Variants in GAS6 observed in about 807,000 individuals in gnomAD.
GAS6 encodes the protein growth arrest-specific protein 6.
In GAS6, 41 loss-of-function variants were observed where a neutral mutation model predicts 75.8. The ratio of observed to expected loss-of-function variants is 0.54; its 90% CI spans 0.42 to 0.70. GAS6 has a LOEUF of 0.70. Ranked by LOEUF, GAS6 falls within the 30% of genes least tolerant of loss-of-function variation. The pLI, the probability that GAS6 is intolerant of heterozygous loss-of-function variation, is 0.00. For missense variants in GAS6, 854 were observed against 940.2 expected (o/e 0.91, Z 1.20); for synonymous variants, 432 against 412.6 (o/e 1.05, Z -0.57).
At chr13:113,826,429 C>T (rs186135186) in intron 12 of GAS6, among the ~76,000 whole-genome samples, 2,309 of 132,360 alleles carry the variant, frequency 0.017, 114 homozygotes, top group African/African-American at 0.049. Context: ...GCGCTGGCCT[C>T]GCAGGCACCT....
intron 2 of GAS6, among the ~76,000 whole-genome samples, chr13:113,849,510 G>A (rs1024550245): frequency 7.9e-5 from 12 of 152,160 alleles, no homozygotes; most frequent in Admixed American, 5.2e-4. Flanking sequence ...TAAAAGACTT[G>A]CGAGGGATGC....
At chr13:113,832,170 G>C in intron 10 of GAS6, 129 bp downstream of exon 10, 1 of 1,096,488 alleles carries the variant, frequency 9.1e-7, no homozygotes, top group East Asian at 2.6e-5. Flanking sequence ...AGGGGTCCCC[G>C]TCCTGCCGGC....
intron 2 of GAS6, among the ~76,000 whole-genome samples, chr13:113,858,660 T>G (rs201709549): frequency 1.1e-5 from 1 of 90,656 alleles, no homozygotes; most frequent in Non-Finnish European, 2.3e-5. Context: ...TATGTGTACA[T>G]GTCTGTGTGT....
chr13:113,846,423 C>G (rs993752599), intron 4 of GAS6, 104 bp downstream of exon 4: 21 of 924,706 alleles, frequency 2.3e-5, no homozygotes, highest in African/African-American at 2.2e-4. Flanking sequence ...GACCACAGCT[C>G]CTTAAAAAAC....
chr13:113,857,785 T>C (rs376730496), intron 2 of GAS6, among the ~76,000 whole-genome samples: 1 of 152,234 alleles, frequency 6.6e-6, no homozygotes, highest in Non-Finnish European at 1.5e-5. Flanking sequence ...TTTCCACAGA[T>C]GTGAAGCTCT....
intron 2 of GAS6, among the ~76,000 whole-genome samples, chr13:113,859,028 T>C (rs2051944875): frequency 2.0e-5 from 3 of 151,308 alleles, no homozygotes; most frequent in Admixed American, 2.0e-4. Flanking sequence ...GTGTGCCTTG[T>C]ATGTGCATGT....
chr13:113,846,546 G>A lies in GAS6; in HGVS notation c.324C>T (p.Gly108=). ...KYGSPYTKNS[G]FATCVQNLPD... ...ACTTACTTTGCACGCAGGTGGCGAA[G>A]CCTGAGTTTTTGGTGTACGGAGACC... Residue 108 remains glycine (G), a synonymous_variant, in exon 4 of 15, where the codon GGC becomes GGT. Coordinates refer to ENST00000327773, the MANE Select transcript of GAS6 (RefSeq NM_000820.4). The A allele has an allele frequency of 6.2e-7, 1 of 1,614,072 alleles. No individual in the cohort carries two copies. Among genetic ancestry groups the A allele is most frequent in the Non-Finnish European group, 8.5e-7 (1 of 1,180,008 alleles).
At chr13:113,861,533 G>A (rs1476273645) in intron 2 of GAS6, among the ~76,000 whole-genome samples, 2 of 152,226 alleles carry the variant, frequency 1.3e-5, no homozygotes, top group South Asian at 2.1e-4. Context: ...ACAGGGAGAA[G>A]TTCATGGATG....
At chr13:113,823,160 G>A in intron 13 of GAS6, 1 of 494,468 alleles carries the variant, frequency 2.0e-6, no homozygotes, top group Non-Finnish European at 3.5e-6. Flanking sequence ...GCAGGCGCCG[G>A]CCCCCTCAGC....
chr13:113,832,874 G>A (rs754370140), intron 8 of GAS6, 122 bp from the exon 9 acceptor site: 48 of 1,558,530 alleles, frequency 3.1e-5, no homozygotes, highest in East Asian at 7.0e-5. Flanking sequence ...TGGCCACCCC[G>A]CCTCTAGCTG....
intron 8 of GAS6, among the ~76,000 whole-genome samples, chr13:113,834,318 C>T (rs1350042931): frequency 1.3e-5 from 2 of 152,228 alleles, no homozygotes; most frequent in East Asian, 1.9e-4. Context: ...CACTGGGGTC[C>T]ACACCAGGCT....
chr13:113,834,686 G>A lies in GAS6; in HGVS notation c.713-14C>T. 4 of 1,534,274 alleles carry A rather than the reference G, an allele frequency of 2.6e-6. No individual in the cohort carries two copies. The highest frequency in any genetic ancestry group is 1.4e-5 in the African/African-American group (1 of 72,644). Reference sequence around the variant, plus strand: ...ACTCGTCCACATCTGCCAGCCAGAGGGAAGCGGCGGTGAGCCGGGGAGGCC... The same window carrying A: ...ACTCGTCCACATCTGCCAGCCAGAGAGAAGCGGCGGTGAGCCGGGGAGGCC... On this transcript the variant is annotated splice_polypyrimidine_tract_variant and intron_variant, in intron 7 of 14. Coordinates refer to ENST00000327773, the MANE Select transcript of GAS6 (RefSeq NM_000820.4).
intron 12 of GAS6, 21 bp downstream of exon 12, chr13:113,826,975 A>G (rs759508383): frequency 2.5e-6 from 4 of 1,594,550 alleles, no homozygotes; most frequent in Admixed American, 3.4e-5. Flanking sequence ...AGCCACCCCA[A>G]CGGTAAGAGC....
rs2051816590 is a variant in GAS6 at position 113,844,431 on chromosome 13, A to G, written c.343+2096T>C. ...AAAAGGACGGCCTTCTTTGCTGCAA[A>G]TAGCCAGAAGTGAACTGAGCAAAGG... is the stretch of plus-strand genomic sequence containing the variant. On this transcript the variant is annotated intron_variant, in intron 4 of 14. Transcript: ENST00000327773. The surrounding 1 kb of genome is among the most constrained non-coding windows in gnomAD (Gnocchi z 5.7). 6.6e-6 allele frequency: 1 copy of G among 150,558 alleles called. No individual in the cohort carries two copies. The highest frequency in any genetic ancestry group is 1.9e-4 in the East Asian group (1 of 5,202). The allele number at this position is 150,558 out of a possible 1,614,324, so 9.3% of individuals were successfully genotyped here.
In GAS6 at chr13:113,834,614, G is replaced by A. The variant is rs776861626; in HGVS notation, c.771C>T (p.Ser257=). Residue 257 remains serine (S), a synonymous_variant, in exon 8 of 15, where the codon AGC becomes AGT. Coordinates refer to ENST00000327773, the MANE Select transcript of GAS6 (RefSeq NM_000820.4). The part of the protein sequence containing the change: ...CEQVCVNSPG[S]YTCHCDGRGG... ...CACGCCCGTCACAGTGGCAGGTGTA[G>A]CTCCCTGGGGAGTTCACGCAGACCT... The A allele has an allele frequency of 9.4e-6, 15 of 1,601,500 alleles. No homozygotes were observed. The highest frequency in any genetic ancestry group is 2.3e-5 in the East Asian group (1 of 44,078).
At position 113,821,038 on chromosome 13, in the gene GAS6, C is replaced by G. The variant is rs906102373; in HGVS notation, c.1883-20G>C. Reference sequence around the variant, plus strand: ...GCACATCTGGGCCGCAGGGAGAGAACAACATATCTTAGCTCACCACGTGGC... The same window carrying G: ...GCACATCTGGGCCGCAGGGAGAGAAGAACATATCTTAGCTCACCACGTGGC... On this transcript the variant is annotated intron_variant, in intron 14 of 14. Transcript: ENST00000327773. 6.8e-6 allele frequency: 11 copies of G among 1,610,318 alleles called. No homozygotes were observed. Among genetic ancestry groups the G allele is most frequent in the Non-Finnish European group, 9.3e-6 (11 of 1,178,416 alleles).
chr13:113,842,781 A>G (rs984718915), intron 4 of GAS6: 5 of 396,722 alleles, frequency 1.3e-5, no homozygotes, highest in African/African-American at 1.1e-4. Flanking sequence ...GTTTGGTTAG[A>G]GATTAAAGCC....
At chr13:113,840,798 G>A (rs1015635588) in intron 4 of GAS6, 40 of 152,264 alleles carry the variant, frequency 2.6e-4, no homozygotes, top group African/African-American at 9.6e-4. Context: ...AGCCCCACAT[G>A]AGGACTCAGC....
At chr13:113,830,682 C>G (rs1482413406) in intron 10 of GAS6, among the ~76,000 whole-genome samples, 1 of 112,260 alleles carries the variant, frequency 8.9e-6, no homozygotes, top group African/African-American at 4.2e-5. Context: ...GACCTCGCCT[C>G]AGGCCACCTG....
Sources: gnomAD v4.1 joint callset for allele counts (sites outside exome capture counted in the v4.1 genomes callset) on GRCh38, gnomAD v4.1.1 for gene constraint, Gnocchi (gnomAD v3.1) non-coding constraint, MANE v1.5 for transcripts, NCBI Gene and HGNC (gene_info 2026-07-23, HGNC 2026-07-21) for gene names.